Variants in SLC4A4 observed in about 807,000 individuals in gnomAD.
SLC4A4 encodes electrogenic sodium bicarbonate cotransporter 1.
A neutral mutation model predicts 111.5 loss-of-function variants in SLC4A4; 27 were observed. The observed-to-expected ratio is 0.24, with a 90% CI of 0.18 to 0.33. SLC4A4 has a LOEUF of 0.33. SLC4A4 is among the 10% of genes least tolerant of loss of function. SLC4A4 has a pLI of 1.00. For missense variants in SLC4A4, 909 were observed against 1,315.5 expected, an observed-to-expected ratio of 0.69 and a Z score of 4.78; for synonymous variants, 443 against 463.4, an observed-to-expected ratio of 0.96 and a Z score of 0.57.
intron 1 of SLC4A4, among the ~76,000 whole-genome samples, chr4:71,209,096 G>T (rs1348722951): frequency 2.6e-5 from 4 of 152,112 alleles, no homozygotes; most frequent in Non-Finnish European, 5.9e-5. Context: ...AGTTTATTCT[G>T]CATGATCAGA....
chr4:71,170,240 C>G (rs2148981954), intron 2 of SLC4A4, among the ~76,000 whole-genome samples: 1 of 152,294 alleles, frequency 6.6e-6, no homozygotes, highest in African/African-American at 2.4e-5. Flanking sequence ...CTCTTATCAA[C>G]TAGAAGTTAA....
intron 3 of SLC4A4, among the ~76,000 whole-genome samples, chr4:71,258,615 A>G (rs987335204): frequency 2.0e-5 from 3 of 152,224 alleles, no homozygotes; most frequent in African/African-American, 7.2e-5. Context: ...ACAGAGAAAG[A>G]CGTAAGCATT....
intron 1 of SLC4A4, among the ~76,000 whole-genome samples, chr4:71,228,965 A>G (rs1481145721): frequency 6.6e-6 from 1 of 152,146 alleles, no homozygotes; most frequent in African/African-American, 2.4e-5. Flanking sequence ...TAAGTTCTAT[A>G]CGATTTTATC....
rs886059595 is a variant in SLC4A4, at chr4:71,450,467, A to G, written c.1132A>G (p.Ile378Val). The change falls in exon 10 of 26, where the codon ATC (isoleucine) becomes GTC (valine). Residue 378 changes from isoleucine (I) to valine (V), a missense_variant. By Grantham distance (29) the Ile-to-Val change is conservative (BLOSUM62 3). Around this residue, in one of 7 missense-constraint regions of SLC4A4, gnomAD observed 312 missense variants for 402.0 expected, o/e 0.78. Coordinates refer to ENST00000264485, the MANE Select transcript of SLC4A4 (RefSeq NM_001098484.3). ...AGIDEFLDEV[I>V]VLPPGEWDPA... ...TATTGATGAGTTCCTAGATGAAGTC[A>G]TCGTCCTTCCACCTGGGGAATGGGA... 3.7e-6 allele frequency: 6 copies of G among 1,613,730 alleles called. No homozygotes were observed. Among genetic ancestry groups the G allele is most frequent in the South Asian group, 2.2e-5 (2 of 91,080 alleles).
chr4:71,268,137 C>T (rs1164967628), intron 3 of SLC4A4, among the ~76,000 whole-genome samples: 2 of 128,414 alleles, frequency 1.6e-5, no homozygotes, highest in Non-Finnish European at 3.1e-5. Context: ...GGCATTGACA[C>T]GTGAGGTGCA....
At chr4:71,225,668 A>G (rs897311688) in intron 1 of SLC4A4, among the ~76,000 whole-genome samples, 2 of 152,104 alleles carry the variant, frequency 1.3e-5, no homozygotes, top group Admixed American at 1.3e-4. Context: ...ATCTTCTCCA[A>G]TGTCAGCTGT....
At chr4:71,282,675 T>G (rs1723618054) in intron 3 of SLC4A4, among the ~76,000 whole-genome samples, 1 of 151,828 alleles carries the variant, frequency 6.6e-6, no homozygotes, top group Non-Finnish European at 1.5e-5. Context: ...TTCAACCTCC[T>G]GTGCTGAAGA....
intron 6 of SLC4A4, among the ~76,000 whole-genome samples, chr4:71,365,893 G>A (rs763341100): frequency 6.6e-6 from 1 of 152,170 alleles, no homozygotes; most frequent in African/African-American, 2.4e-5. Context: ...GAGGAACCCA[G>A]TGTGCTTAAT....
intron 24 of SLC4A4, among the ~76,000 whole-genome samples, chr4:71,564,553 G>A (rs938277567): frequency 2.6e-5 from 4 of 151,782 alleles, no homozygotes; most frequent in African/African-American, 9.7e-5. Flanking sequence ...GAATTAACAG[G>A]CCACTTAGTA....
At chr4:71,229,137 A>G (rs1578631780) in intron 1 of SLC4A4, among the ~76,000 whole-genome samples, 3 of 152,200 alleles carry the variant, frequency 2.0e-5, no homozygotes, top group South Asian at 2.1e-4. Context: ...TTGTCACTCC[A>G]TATAAATTGT....
Position 71,549,246 on chromosome 4 carries a change from G to C in SLC4A4, c.2694+1526G>C, listed in dbSNP as rs151036731. On this transcript the variant is annotated intron_variant, in intron 20 of 25. Coordinates refer to ENST00000264485, the MANE Select transcript of SLC4A4 (RefSeq NM_001098484.3). ...CACAGCATTGAATCTGCTGCCAAATGCTTTATGTTCTTCCGTTATCCTATA... is the reference window on the plus strand; with the variant it reads ...CACAGCATTGAATCTGCTGCCAAATCCTTTATGTTCTTCCGTTATCCTATA... Among the ~76,000 whole-genome samples, 24 of 152,008 alleles carry C rather than the reference G, an allele frequency of 1.6e-4. No homozygotes were observed. The East Asian group carries it at 4.7e-3, about 30-fold the overall frequency.
chr4:71,122,110 C>T (rs1023323639), intron 2 of SLC4A4, among the ~76,000 whole-genome samples: 27 of 152,056 alleles, frequency 1.8e-4, no homozygotes, highest in Non-Finnish European at 2.9e-5. Flanking sequence ...GACACACCAT[C>T]TTTAAGAACT....
At chr4:71,547,289 A>G (rs1006556344) in intron 19 of SLC4A4, among the ~76,000 whole-genome samples, 1 of 151,996 alleles carries the variant, frequency 6.6e-6, no homozygotes, top group Non-Finnish European at 1.5e-5. Context: ...AGAAGGTGTA[A>G]GGGTAATTAC....
intron 6 of SLC4A4, among the ~76,000 whole-genome samples, chr4:71,361,570 A>C (rs1730793911): frequency 6.6e-6 from 1 of 152,196 alleles, no homozygotes; most frequent in African/African-American, 2.4e-5. Context: ...TGAAGAAATT[A>C]ATGAGGTTTT....
At chr4:71,142,367 G>C (rs1744021307) in intron 2 of SLC4A4, among the ~76,000 whole-genome samples, 1 of 152,118 alleles carries the variant, frequency 6.6e-6, no homozygotes, top group African/African-American at 2.4e-5. Flanking sequence ...GTTCTGTTTG[G>C]GCGTTGGCTA....
At chr4:71,426,244 C>T (rs561927975) in intron 7 of SLC4A4, among the ~76,000 whole-genome samples, 2 of 152,042 alleles carry the variant, frequency 1.3e-5, no homozygotes, top group Non-Finnish European at 2.9e-5. Flanking sequence ...TCTTACCCCT[C>T]TCTTCCCATC....
chr4:71,231,732 T>G (rs2149032676), intron 1 of SLC4A4, among the ~76,000 whole-genome samples: 1 of 152,334 alleles, frequency 6.6e-6, no homozygotes, highest in East Asian at 1.9e-4. Flanking sequence ...AGAAACATGT[T>G]CTTCCCTTTC....
At chr4:71,079,564 T>C (rs1741936457) in intron 1 of SLC4A4, among the ~76,000 whole-genome samples, 1 of 151,940 alleles carries the variant, frequency 6.6e-6, no homozygotes, top group East Asian at 1.9e-4. Context: ...TTACTTAAGC[T>C]CAGAAGTTTG....
intron 7 of SLC4A4, among the ~76,000 whole-genome samples, chr4:71,431,744 T>C (rs540850633): frequency 6.6e-6 from 1 of 152,266 alleles, no homozygotes; most frequent in East Asian, 1.9e-4. Flanking sequence ...AGTGTGGGTA[T>C]AGTGATTGTA....
Sources: gnomAD v4.1 joint callset for allele counts (sites outside exome capture counted in the v4.1 genomes callset) on GRCh38, gnomAD v4.1.1 for gene constraint, gnomAD v4.1.1 regional missense constraint, MANE v1.5 for transcripts, NCBI Gene and HGNC (gene_info 2026-07-23, HGNC 2026-07-21) for gene names.